HS3ST5: variants seen among roughly 807,000 people sequenced by gnomAD.
HS3ST5 encodes the protein heparan sulfate glucosamine 3-O-sulfotransferase 5.
Under a neutral mutation model 25.4 loss-of-function variants are expected in HS3ST5, and 10 were observed. That is an observed-to-expected ratio of 0.39 (90% CI 0.24 to 0.67). The LOEUF is 0.67. Ranked by LOEUF, HS3ST5 falls within the 30% of genes least tolerant of loss-of-function variation. The probability of loss-of-function intolerance (pLI) is 0.44; values close to 1 mark genes in which losing one functional copy is unlikely to be tolerated. For synonymous variants in HS3ST5, 170 were observed against 162.4 expected (o/e 1.05, Z -0.36); for missense variants, 324 against 420.7 (o/e 0.77, Z 2.01).
chr6:114,152,097 A>AT (rs1562217268), intron 3 of HS3ST5, among the ~76,000 whole-genome samples: 1 of 151,772 alleles, frequency 6.6e-6, no homozygotes, highest in Non-Finnish European at 1.5e-5. Flanking sequence ...TGCCCGGCGA[A>AT]TTTTTTAGTA....
chr6:114,080,632 C>T (rs1435937819), intron 3 of HS3ST5, among the ~76,000 whole-genome samples: 2 of 152,154 alleles, frequency 1.3e-5, no homozygotes, highest in Admixed American at 6.5e-5. Context: ...TTCTTTGCAG[C>T]AATTTGGGTG....
chr6:114,117,069 A>G (rs565290261), intron 3 of HS3ST5, among the ~76,000 whole-genome samples: 229 of 152,254 alleles, frequency 1.5e-3, no homozygotes, highest in African/African-American at 5.3e-3. Flanking sequence ...CCAGGAATTC[A>G]AAATTCCTCC....
chr6:114,276,100 C>A (rs986807531), intron 1 of HS3ST5, among the ~76,000 whole-genome samples: 1 of 151,772 alleles, frequency 6.6e-6, no homozygotes, highest in African/African-American at 2.4e-5. Flanking sequence ...AGGTGGCTAG[C>A]TGCCCTCCCA....
chr6:114,173,851 T>C (rs1040321102), intron 2 of HS3ST5, among the ~76,000 whole-genome samples: 5 of 151,906 alleles, frequency 3.3e-5, no homozygotes, highest in Non-Finnish European at 7.4e-5. Context: ...AGAGCAAGAC[T>C]CCATCTCAAA....
intron 3 of HS3ST5, among the ~76,000 whole-genome samples, chr6:114,156,976 C>T (rs907008816): frequency 6.6e-5 from 10 of 152,144 alleles, no homozygotes; most frequent in African/African-American, 2.4e-4. Context: ...TAAAAGGTTT[C>T]TCACCTGAAC....
intron 2 of HS3ST5, among the ~76,000 whole-genome samples, chr6:114,201,227 A>G (rs1047683763): frequency 6.6e-6 from 1 of 152,160 alleles, no homozygotes; most frequent in Non-Finnish European, 1.5e-5. Flanking sequence ...CGGCAACTCA[A>G]TTCTTCTAGT....
chr6:114,280,237 A>G (rs1422428164), intron 1 of HS3ST5, among the ~76,000 whole-genome samples: 1 of 151,944 alleles, frequency 6.6e-6, no homozygotes, highest in Non-Finnish European at 1.5e-5. Flanking sequence ...GTTCAGGGTG[A>G]TTTCACTTGC....
chr6:114,293,067 C>T (rs1774653153), intron 1 of HS3ST5, among the ~76,000 whole-genome samples: 1 of 152,030 alleles, frequency 6.6e-6, no homozygotes, highest in Non-Finnish European at 1.5e-5. Context: ...TAGAGAGGTG[C>T]ACCGTGCACA....
At chr6:114,293,082 C>A (rs1468697856) in intron 1 of HS3ST5, among the ~76,000 whole-genome samples, 1 of 152,034 alleles carries the variant, frequency 6.6e-6, no homozygotes, top group Non-Finnish European at 1.5e-5. Context: ...TGCACAGGAG[C>A]TCCACAAGTC....
At chr6:114,190,368 A>G (rs999720592) in intron 2 of HS3ST5, among the ~76,000 whole-genome samples, 1 of 152,148 alleles carries the variant, frequency 6.6e-6, no homozygotes, top group African/African-American at 2.4e-5. Context: ...TTAGAATTCA[A>G]CATTCTGGGG....
intron 1 of HS3ST5, among the ~76,000 whole-genome samples, chr6:114,332,080 T>C (rs1028322747): frequency 6.6e-6 from 1 of 152,110 alleles, no homozygotes; most frequent in African/African-American, 2.4e-5. Flanking sequence ...GGTCTGCAAG[T>C]AGAAAATGAA....
chr6:114,228,523 T>C (rs1771421641), intron 2 of HS3ST5, 62 bp downstream of exon 2: 1 of 152,182 alleles, frequency 6.6e-6, no homozygotes, highest in Non-Finnish European at 1.5e-5. Flanking sequence ...AATATATAAT[T>C]ACTTTTGATG....
At chr6:114,262,565 T>A (rs1435889276) in intron 1 of HS3ST5, among the ~76,000 whole-genome samples, 1 of 151,584 alleles carries the variant, frequency 6.6e-6, no homozygotes, top group Non-Finnish European at 1.5e-5. Flanking sequence ...AAAAAAAAAA[T>A]TCATAGCACA....
At chr6:114,077,736 T>G (rs10782177) in intron 3 of HS3ST5, among the ~76,000 whole-genome samples, 21,396 of 152,234 alleles carry the variant, frequency 0.14, 1,551 homozygotes, top group Middle Eastern at 0.21. Flanking sequence ...TAGTATTCAC[T>G]ACCAGACAGA....
At chr6:114,180,337 G>C (rs1175522992) in intron 2 of HS3ST5, among the ~76,000 whole-genome samples, 1 of 151,962 alleles carries the variant, frequency 6.6e-6, no homozygotes, top group African/African-American at 2.4e-5. Context: ...CTCTGCTTGG[G>C]CTGCCATAAC....
chr6:114,122,903 T>C (rs1776861632), intron 3 of HS3ST5, among the ~76,000 whole-genome samples: 1 of 152,208 alleles, frequency 6.6e-6, no homozygotes, highest in Admixed American at 6.5e-5. Context: ...CAGTGAAAAC[T>C]TTTCTCTTAT....
intron 1 of HS3ST5, among the ~76,000 whole-genome samples, chr6:114,267,416 C>T (rs1773453660): frequency 6.6e-6 from 1 of 152,106 alleles, no homozygotes; most frequent in African/African-American, 2.4e-5. Context: ...CCTACCACTT[C>T]CCACCATTAT....
chr6:114,228,477 T>C (rs529728667), intron 2 of HS3ST5, 108 bp downstream of exon 2: 34 of 152,300 alleles, frequency 2.2e-4, no homozygotes, highest in African/African-American at 7.5e-4. Context: ...TTTTCTTACA[T>C]TTAATAGTTT....
chr6:114,144,281 C>T (rs1380361249), intron 3 of HS3ST5, among the ~76,000 whole-genome samples: 1 of 152,180 alleles, frequency 6.6e-6, no homozygotes, highest in African/African-American at 2.4e-5. Context: ...TGGCAGACTT[C>T]TCATCACCTT....
Sources: allele counts gnomAD v4.1 joint callset (sites outside exome capture counted in the v4.1 genomes callset), GRCh38; gene constraint gnomAD v4.1.1; transcripts MANE v1.5; gene names NCBI Gene and HGNC (gene_info 2026-07-23, HGNC 2026-07-21).